OR5D13: variants seen among roughly 807,000 people sequenced by gnomAD.
The protein encoded by OR5D13 is olfactory receptor 5D13.
For synonymous variants in OR5D13, 192 were observed against 134.3 expected, an observed-to-expected ratio of 1.43 and a Z score of -2.97; for missense variants, 470 against 372.1, an observed-to-expected ratio of 1.26 and a Z score of -2.16.
At position 55,774,240 on chromosome 11, in the gene OR5D13, C is replaced by G; in HGVS notation, c.803C>G (p.Thr268Ser). The G allele has an allele frequency of 6.2e-7, 1 of 1,613,824 alleles. No individual in the cohort carries two copies. The highest frequency in any genetic ancestry group is 2.2e-5 in the East Asian group (1 of 44,866). ...LFLYCVPNPK[T>S]SSLIVTVASV... ...CTTTACTGTGTTCCTAATCCTAAAACTTCTAGCCTCATAGTTACAGTGGCT... is the reference window on the plus strand; with the variant it reads ...CTTTACTGTGTTCCTAATCCTAAAAGTTCTAGCCTCATAGTTACAGTGGCT... Residue 268 changes from threonine to serine, a missense_variant, in exon 1 of 1, where the codon ACT becomes AGT. Coordinates refer to ENST00000623930, the MANE Select transcript of OR5D13 (RefSeq NM_001001967.1).
chr11:55,773,490 G>A lies in OR5D13; in HGVS notation c.53G>A (p.Gly18Asp), dbSNP rs1429783415. The A allele has an allele frequency of 6.2e-7, 1 of 1,613,006 alleles. No homozygotes were observed. The highest frequency in any genetic ancestry group is 8.5e-7 in the Non-Finnish European group (1 of 1,179,782). Reference protein sequence around the residue: ...QSSTPTFILLGFSEYPEIQVP... With the variant: ...QSSTPTFILLDFSEYPEIQVP... Reference sequence around the variant, plus strand: ...AGCACACCCACTTTTATTCTCTTGGGTTTTTCAGAATACCCAGAAATCCAG... The same window carrying A: ...AGCACACCCACTTTTATTCTCTTGGATTTTTCAGAATACCCAGAAATCCAG... The change falls in exon 1 of 1, where the codon GGT becomes GAT. Residue 18 changes from glycine (G) to aspartate (D), a missense_variant. Gly to Asp is a moderately conservative substitution (Grantham distance 94). Transcript: ENST00000623930.
chr11:55,773,944 G>T lies in OR5D13; in HGVS notation c.507G>T (p.Ser169=). ...LILTYFLLDL[S]FCESTFINNF... ...TCACATATTTTCTTCTTGACTTATCGTTTTGTGAATCTACCTTCATAAATA... is the reference window on the plus strand; with the variant it reads ...TCACATATTTTCTTCTTGACTTATCTTTTTGTGAATCTACCTTCATAAATA... Residue 169 remains serine, a synonymous_variant, in exon 1 of 1, where the codon TCG becomes TCT. Coordinates refer to ENST00000623930, the MANE Select transcript of OR5D13 (RefSeq NM_001001967.1). 6.2e-7 allele frequency: 1 copy of T among 1,613,480 alleles called. No individual in the cohort carries two copies. The highest frequency in any genetic ancestry group is 8.5e-7 in the Non-Finnish European group (1 of 1,179,726).
At position 55,774,343 on chromosome 11, in the gene OR5D13, G is replaced by A. The variant is rs751381038; in HGVS notation, c.906G>A (p.Met302Ile). The change falls in exon 1 of 1, where the codon ATG (methionine) becomes ATA (isoleucine). Residue 302 changes from methionine (M) to isoleucine (I), a missense_variant. Met to Ile is a conservative substitution (Grantham distance 10, BLOSUM62 1). Coordinates refer to ENST00000623930, the MANE Select transcript of OR5D13 (RefSeq NM_001001967.1). Reference protein sequence around the residue: ...YSLRNKDINNMFEKLVVTKLI... With the variant: ...YSLRNKDINNIFEKLVVTKLI... ...TTAGGAACAAAGATATCAATAACAT[G>A]TTTGAAAAATTAGTTGTCACCAAAT... 1.3e-6 allele frequency: 2 copies of A among 1,583,540 alleles called. No homozygotes were observed. Among genetic ancestry groups the A allele is most frequent in the Admixed American group, 1.9e-5 (1 of 52,220 alleles).
In OR5D13 at chr11:55,773,927, T is replaced by G. The variant is rs1434314687; in HGVS notation, c.490T>G (p.Phe164Val). 6.2e-7 allele frequency: 1 copy of G among 1,613,550 alleles called. No individual in the cohort carries two copies. The highest frequency in any genetic ancestry group is 2.2e-5 in the East Asian group (1 of 44,852). ...GIVCSLILTY[F>V]LLDLSFCEST... ...AGTGTGCTCCCTGATACTCACATATTTTCTTCTTGACTTATCGTTTTGTGA... is the reference window on the plus strand; with the variant it reads ...AGTGTGCTCCCTGATACTCACATATGTTCTTCTTGACTTATCGTTTTGTGA... Residue 164 changes from phenylalanine to valine, a missense_variant, in exon 1 of 1, where the codon TTT (phenylalanine) becomes GTT (valine). By Grantham distance (50) the Phe-to-Val change is conservative. Transcript: ENST00000623930.
In OR5D13 at chr11:55,773,876, G is replaced by T. The variant is rs1853286163; in HGVS notation, c.439G>T (p.Val147Leu). Residue 147 changes from valine to leucine, a missense_variant, in exon 1 of 1, where the codon GTG becomes TTG. Physicochemically the swap from Val to Leu is conservative, Grantham distance 32. Coordinates refer to ENST00000623930, the MANE Select transcript of OR5D13 (RefSeq NM_001001967.1). ...GTCTCAGAAGCTCTGTGCTCTTCTG[G>T]TGGCTGGGTCCTATACATGGGGGAT... ...IMSQKLCALL[V>L]AGSYTWGIVC... The T allele has an allele frequency of 1.2e-6, 2 of 1,613,606 alleles. No individual in the cohort carries two copies. The highest frequency in any genetic ancestry group is 2.7e-5 in the African/African-American group (2 of 74,716).
chr11:55,773,897 G>A lies in OR5D13; in HGVS notation c.460G>A (p.Gly154Arg), dbSNP rs1409038087. ...TCTGGTGGCTGGGTCCTATACATGG[G>A]GGATAGTGTGCTCCCTGATACTCAC... Reference protein sequence around the residue: ...ALLVAGSYTWGIVCSLILTYF... With the variant: ...ALLVAGSYTWRIVCSLILTYF... The change falls in exon 1 of 1, where the codon GGG becomes AGG. Residue 154 changes from glycine (G) to arginine (R), a missense_variant. Transcript: ENST00000623930. 2.5e-6 allele frequency: 4 copies of A among 1,613,144 alleles called. No homozygotes were observed. The highest frequency in any genetic ancestry group is 1.3e-5 in the African/African-American group (1 of 74,690).
Position 55,774,357 on chromosome 11 carries a change from T to C in OR5D13, c.920T>C (p.Val307Ala). The change falls in exon 1 of 1, where the codon GTT (valine) becomes GCT (alanine). Residue 307 changes from valine to alanine, a missense_variant. Val to Ala is a moderately conservative substitution (Grantham distance 64). Transcript: ENST00000623930. The stretch of plus-strand genomic sequence containing the variant: ...ATCAATAACATGTTTGAAAAATTAG[T>C]TGTCACCAAATTGATTTACCACTGA... Reference protein sequence around the residue: ...KDINNMFEKLVVTKLIYH With the variant: ...KDINNMFEKLAVTKLIYH 1 of 1,573,318 alleles carries C rather than the reference T, an allele frequency of 6.4e-7. No individual in the cohort carries two copies. The highest frequency in any genetic ancestry group is 8.6e-7 in the Non-Finnish European group (1 of 1,164,696).
rs747099335 is a variant in OR5D13 at position 55,773,861 on chromosome 11, C to T, written c.424C>T (p.Leu142Phe). ...GTATACCACTATTATGTCTCAGAAGCTCTGTGCTCTTCTGGTGGCTGGGTC... is the reference window on the plus strand; with the variant it reads ...GTATACCACTATTATGTCTCAGAAGTTCTGTGCTCTTCTGGTGGCTGGGTC... ...LLYTTIMSQK[L>F]CALLVAGSYT... Residue 142 changes from leucine (L) to phenylalanine (F), a missense_variant, in exon 1 of 1, where the codon CTC (leucine) becomes TTC (phenylalanine). Physicochemically the swap from Leu to Phe is conservative, Grantham distance 22. Coordinates refer to ENST00000623930, the MANE Select transcript of OR5D13 (RefSeq NM_001001967.1). The T allele has an allele frequency of 9.3e-6, 15 of 1,613,808 alleles. No individual in the cohort carries two copies. Among genetic ancestry groups the T allele is most frequent in the East Asian group, 6.7e-5 (3 of 44,858 alleles).
rs1260185320 is a variant in OR5D13 at position 55,773,902 on chromosome 11, A to G, written c.465A>G (p.Ile155Met). 6.2e-7 allele frequency: 1 copy of G among 1,612,878 alleles called. No homozygotes were observed. The highest frequency in any genetic ancestry group is 8.5e-7 in the Non-Finnish European group (1 of 1,179,098). Reference sequence around the variant, plus strand: ...TGGCTGGGTCCTATACATGGGGGATAGTGTGCTCCCTGATACTCACATATT... The same window carrying G: ...TGGCTGGGTCCTATACATGGGGGATGGTGTGCTCCCTGATACTCACATATT... ...LLVAGSYTWGIVCSLILTYFL... is the reference protein window; with the variant it reads ...LLVAGSYTWGMVCSLILTYFL... The change falls in exon 1 of 1, where the codon ATA becomes ATG. Residue 155 changes from isoleucine to methionine, a missense_variant. Ile to Met is a conservative substitution (Grantham distance 10). Transcript: ENST00000623930.
At position 55,773,716 on chromosome 11, in the gene OR5D13, C is replaced by T. The variant is rs757839784; in HGVS notation, c.279C>T (p.Thr93=). The part of the protein sequence containing the change: ...LLENLVVEYR[T]ISFSGCIMQF... Reference sequence around the variant, plus strand: ...AGAACTTGGTTGTGGAATACAGAACCATCTCTTTCTCTGGTTGCATCATGC... The same window carrying T: ...AGAACTTGGTTGTGGAATACAGAACTATCTCTTTCTCTGGTTGCATCATGC... Residue 93 remains threonine (T), a synonymous_variant, in exon 1 of 1, where the codon ACC becomes ACT. Coordinates refer to ENST00000623930, the MANE Select transcript of OR5D13 (RefSeq NM_001001967.1). 3 of 1,613,800 alleles carry T rather than the reference C, an allele frequency of 1.9e-6. No individual in the cohort carries two copies. The highest frequency in any genetic ancestry group is 1.6e-4 in the Middle Eastern group (1 of 6,082).
At position 55,774,085 on chromosome 11, in the gene OR5D13, T is replaced by C. The variant is rs760258274; in HGVS notation, c.648T>C (p.Ile216=). 1 of 1,613,776 alleles carries C rather than the reference T, an allele frequency of 6.2e-7. No individual in the cohort carries two copies. Among genetic ancestry groups the C allele is most frequent in the Non-Finnish European group, 8.5e-7 (1 of 1,180,024 alleles). ...IFNEVSSLII[I]LTSYMLIFTT... ...ATGAGGTGAGCAGCCTAATTATCAT[T>C]CTGACATCATATATGCTTATTTTCA... Residue 216 remains isoleucine (I), a synonymous_variant, in exon 1 of 1, where the codon ATT becomes ATC. Transcript: ENST00000623930.
In OR5D13 at chr11:55,774,349, A is replaced by T. The variant is rs1239817283; in HGVS notation, c.912A>T (p.Glu304Asp). 3.8e-6 allele frequency: 6 copies of T among 1,580,606 alleles called. No individual in the cohort carries two copies. Among genetic ancestry groups the T allele is most frequent in the Non-Finnish European group, 4.3e-6 (5 of 1,168,678 alleles). The change falls in exon 1 of 1, where the codon GAA becomes GAT. Residue 304 changes from glutamate to aspartate, a missense_variant. Transcript: ENST00000623930. ...LRNKDINNMF[E>D]KLVVTKLIYH The stretch of plus-strand genomic sequence containing the variant: ...ACAAAGATATCAATAACATGTTTGA[A>T]AAATTAGTTGTCACCAAATTGATTT...
rs76632744 is a variant in OR5D13, at chr11:55,774,168, C to T, written c.731C>T (p.Ala244Val). 1 of 1,613,550 alleles carries T rather than the reference C, an allele frequency of 6.2e-7. No individual in the cohort carries two copies. Among genetic ancestry groups the T allele is most frequent in the East Asian group, 2.2e-5 (1 of 44,856 alleles). Residue 244 changes from alanine to valine, a missense_variant, in exon 1 of 1, where the codon GCC becomes GTC. Physicochemically the swap from Ala to Val is moderately conservative, Grantham distance 64 (BLOSUM62 0). Coordinates refer to ENST00000623930, the MANE Select transcript of OR5D13 (RefSeq NM_001001967.1). Reference sequence around the variant, plus strand: ...CGCCAGAAAACTTTCTCCACCTGTGCCTCCCACCTGACAGCCATCACTATC... The same window carrying T: ...CGCCAGAAAACTTTCTCCACCTGTGTCTCCCACCTGACAGCCATCACTATC... Reference protein sequence around the residue: ...SGRQKTFSTCASHLTAITIFH... With the variant: ...SGRQKTFSTCVSHLTAITIFH...
Position 55,774,137 on chromosome 11 carries a change from A to T in OR5D13, c.700A>T (p.Ser234Cys). 6.2e-7 allele frequency: 1 copy of T among 1,613,796 alleles called. No individual in the cohort carries two copies. Among genetic ancestry groups the T allele is most frequent in the Non-Finnish European group, 8.5e-7 (1 of 1,179,958 alleles). ...FTTIMKMRSA[S>C]GRQKTFSTCA... The stretch of plus-strand genomic sequence containing the variant: ...TACCATTATGAAGATGCGATCTGCA[A>T]GTGGGCGCCAGAAAACTTTCTCCAC... The change falls in exon 1 of 1, where the codon AGT (serine) becomes TGT (cysteine). Residue 234 changes from serine (S) to cysteine (C), a missense_variant. Transcript: ENST00000623930.
In OR5D13 at chr11:55,774,300, A is replaced by G. The variant is rs1590569277; in HGVS notation, c.863A>G (p.Asn288Ser). The G allele has an allele frequency of 5.0e-6, 8 of 1,612,612 alleles. No individual in the cohort carries two copies. Among genetic ancestry groups the G allele is most frequent in the Non-Finnish European group, 5.1e-6 (6 of 1,179,632 alleles). ...VFYTVAIPML[N>S]PLIYSLRNKD... ...TACACAGTGGCGATTCCAATGCTGA[A>G]CCCATTGATCTACAGCCTTAGGAAC... The change falls in exon 1 of 1, where the codon AAC becomes AGC. Residue 288 changes from asparagine to serine, a missense_variant. By Grantham distance (46) the Asn-to-Ser change is conservative. Coordinates refer to ENST00000623930, the MANE Select transcript of OR5D13 (RefSeq NM_001001967.1).
Position 55,773,653 on chromosome 11 carries a change from C to T in OR5D13, c.216C>T (p.Asp72=), listed in dbSNP as rs1294237832. 1.2e-6 allele frequency: 2 copies of T among 1,613,018 alleles called. No individual in the cohort carries two copies. The highest frequency in any genetic ancestry group is 1.7e-5 in the Admixed American group (1 of 59,948). The change falls in exon 1 of 1, where the codon GAC becomes GAT. Residue 72 remains aspartate (D), a synonymous_variant. Coordinates refer to ENST00000623930, the MANE Select transcript of OR5D13 (RefSeq NM_001001967.1). ...CFFLSHLSLT[D]FCFSTVVTPK... ...TCCTTAGTCACTTGTCCTTGACAGA[C>T]TTCTGTTTTTCCACTGTAGTTACAC... is the stretch of plus-strand genomic sequence containing the variant.
chr11:55,774,273 T>G lies in OR5D13; in HGVS notation c.836T>G (p.Phe279Cys), dbSNP rs1463563521. 6.2e-7 allele frequency: 1 copy of G among 1,613,150 alleles called. No homozygotes were observed. Among genetic ancestry groups the G allele is most frequent in the African/African-American group, 1.3e-5 (1 of 74,754 alleles). Residue 279 changes from phenylalanine to cysteine, a missense_variant, in exon 1 of 1, where the codon TTT becomes TGT. Physicochemically the swap from Phe to Cys is radical, Grantham distance 205. Transcript: ENST00000623930. ...CTCATAGTTACAGTGGCTTCTGTGT[T>G]TTACACAGTGGCGATTCCAATGCTG... is the stretch of plus-strand genomic sequence containing the variant. ...SSLIVTVASV[F>C]YTVAIPMLNP...
chr11:55,773,898 G>A lies in OR5D13; in HGVS notation c.461G>A (p.Gly154Glu). ...ALLVAGSYTW[G>E]IVCSLILTYF... ...CTGGTGGCTGGGTCCTATACATGGG[G>A]GATAGTGTGCTCCCTGATACTCACA... The change falls in exon 1 of 1, where the codon GGG becomes GAG. Residue 154 changes from glycine to glutamate, a missense_variant. Gly to Glu is a moderately conservative substitution (Grantham distance 98). Coordinates refer to ENST00000623930, the MANE Select transcript of OR5D13 (RefSeq NM_001001967.1). The A allele has an allele frequency of 6.2e-7, 1 of 1,613,016 alleles. No individual in the cohort carries two copies.
In OR5D13 at chr11:55,773,937, A is replaced by G; in HGVS notation, c.500A>G (p.Asp167Gly). ...CSLILTYFLL[D>G]LSFCESTFIN... ...CTGATACTCACATATTTTCTTCTTG[A>G]CTTATCGTTTTGTGAATCTACCTTC... Residue 167 changes from aspartate (D) to glycine (G), a missense_variant, in exon 1 of 1, where the codon GAC (aspartate) becomes GGC (glycine). Asp to Gly is a moderately conservative substitution (Grantham distance 94). Transcript: ENST00000623930. 1 of 1,613,324 alleles carries G rather than the reference A, an allele frequency of 6.2e-7. No homozygotes were observed. The highest frequency in any genetic ancestry group is 1.1e-5 in the South Asian group (1 of 91,062).
Sources: allele counts gnomAD v4.1 joint callset, GRCh38; gene constraint gnomAD v4.1.1; transcripts MANE v1.5; gene names NCBI Gene and HGNC (gene_info 2026-07-23, HGNC 2026-07-21).